The following LRCOL1 variants were observed in gnomAD, a reference collection of about 807,000 sequenced individuals.
LRCOL1 encodes the protein leucine-rich colipase-like protein 1.
Under a neutral mutation model 21.6 loss-of-function variants are expected in LRCOL1, and 21 were observed. The ratio of observed to expected loss-of-function variants is 0.97; its 90% CI spans 0.69 to 1.40. LRCOL1 has a LOEUF of 1.40. Among genes scored for constraint, LRCOL1 ranks in the 40% most tolerant of loss-of-function variants. LRCOL1 has a pLI of 0.00. For missense variants in LRCOL1, 198 were observed against 202.3 expected (o/e 0.98, Z 0.13); for synonymous variants, 98 against 90.1 (o/e 1.09, Z -0.49).
At chr12:132,604,674 C>T (rs763278024) in intron 3 of LRCOL1, 32 bp downstream of exon 3, 1 of 1,528,250 alleles carries the variant, frequency 6.5e-7, no homozygotes. Context: ...GGCAGTCTCG[C>T]TCCTCCACCC....
At position 132,606,037 on chromosome 12, in the gene LRCOL1, G is replaced by A; in HGVS notation, c.105+110C>T. On this transcript the variant is annotated intron_variant, in intron 2 of 5. Coordinates refer to ENST00000376608, the MANE Select transcript of LRCOL1 (RefSeq NM_001195520.2). The surrounding 1 kb of genome is among the most constrained non-coding windows in gnomAD (Gnocchi z 4.6). ...GTGTCCCTTTGAGACCCTCCTGACG[G>A]AAAGTGGCAGCCCTCGCGGGTGGGG... 1.0e-6 allele frequency: 1 copy of A among 1,002,864 alleles called. No homozygotes were observed. The highest frequency in any genetic ancestry group is 1.6e-5 in the African/African-American group (1 of 62,200). The allele number at this position is 1,002,864 out of a possible 1,614,324, so 62.1% of individuals were successfully genotyped here. A position where few individuals can be genotyped will look rare whatever the true frequency, so the allele number is the denominator to read the frequency against.
At chr12:132,603,770 G>A in intron 5 of LRCOL1, 2 of 985,418 alleles carry the variant, frequency 2.0e-6, no homozygotes, top group Non-Finnish European at 2.4e-6. Context: ...CTGGCGACCT[G>A]GCCCCCTCCC....
At chr12:132,603,731 G>A (rs2041258751) in intron 5 of LRCOL1, 3 of 985,276 alleles carry the variant, frequency 3.0e-6, no homozygotes, top group Non-Finnish European at 3.6e-6. Context: ...CAGCAAACAC[G>A]CACTTGCGCC....
At chr12:132,605,644 G>A (rs11146966) in intron 2 of LRCOL1, among the ~76,000 whole-genome samples, 1,720 of 152,234 alleles carry the variant, frequency 0.011, 28 homozygotes, top group African/African-American at 0.04. Flanking sequence ...CAGGAGAATC[G>A]CCTGAACCCA....
In LRCOL1 at chr12:132,603,197, C is replaced by G. The variant is rs939216902; in HGVS notation, c.*205G>C. The G allele has an allele frequency of 1.5e-6, 1 of 686,024 alleles. No homozygotes were observed. The allele number at this position is 686,024 out of a possible 1,614,324, so 42.5% of individuals were successfully genotyped here. A position where few individuals can be genotyped will look rare whatever the true frequency, so the allele number is the denominator to read the frequency against. ...TTGATGTTTAACAATCAGGCTACAC[C>G]CCAGTGCCTGGGATTTGTTCTCACA... On this transcript the variant is annotated 3_prime_UTR_variant, in exon 6 of 6. Coordinates refer to ENST00000376608, the MANE Select transcript of LRCOL1 (RefSeq NM_001195520.2).
Position 132,604,829 on chromosome 12 carries a change from GC to G in LRCOL1, c.107del (p.Gly36AlafsTer103). The G allele has an allele frequency of 2.0e-6, 3 of 1,535,876 alleles. No homozygotes were observed. On this transcript the variant is annotated frameshift_variant and splice_region_variant, in exon 3 of 6. Transcript: ENST00000376608. LOFTEE classifies it high-confidence loss of function. Reference protein sequence around the residue: ...PQKKLNLSHKGIGEPCRRHEE... With the variant: ...PQKKLNLSHKXIGEPCRRHEE... ...CGTGTCTCCTGCATGGCTCCCCGATGCCCTGAAACACCACTCACCAGCTCGC... is the reference window on the plus strand; with the variant it reads ...CGTGTCTCCTGCATGGCTCCCCGATGCCTGAAACACCACTCACCAGCTCGC...
chr12:132,603,321 G>T lies in LRCOL1; in HGVS notation c.*81C>A, dbSNP rs2041249040. 2 of 1,524,920 alleles carry T rather than the reference G, an allele frequency of 1.3e-6. No homozygotes were observed. Among genetic ancestry groups the T allele is most frequent in the East Asian group, 4.9e-5 (2 of 40,748 alleles). 94.5% of individuals were successfully genotyped at this position (1,524,920 alleles called of 1,614,324 possible). On this transcript the variant is annotated 3_prime_UTR_variant, in exon 6 of 6. Coordinates refer to ENST00000376608, the MANE Select transcript of LRCOL1 (RefSeq NM_001195520.2). ...CAAACCGTAAGGGAAGCTTCCGCTG[G>T]AACCAGCCCCCGCGCAACGCGGTCC...
chr12:132,603,810 C>A, intron 5 of LRCOL1: 8 of 985,436 alleles, frequency 8.1e-6, no homozygotes, highest in Non-Finnish European at 9.6e-6. Context: ...GAGCGGGAGC[C>A]TGCACCGAGC....
Position 132,603,338 on chromosome 12 carries a change from A to G in LRCOL1, c.*64T>C. ...TTCCGCTGGAACCAGCCCCCGCGCA[A>G]CGCGGTCCTGCGTGAACATCCCAGG... On this transcript the variant is annotated 3_prime_UTR_variant, in exon 6 of 6. Coordinates refer to ENST00000376608, the MANE Select transcript of LRCOL1 (RefSeq NM_001195520.2). The G allele has an allele frequency of 6.5e-7, 1 of 1,534,528 alleles. No individual in the cohort carries two copies. Among genetic ancestry groups the G allele is most frequent in the Middle Eastern group, 1.7e-4 (1 of 5,982 alleles).
intron 5 of LRCOL1, chr12:132,603,623 GGTGGTA>G: frequency 1.0e-4 from 9 of 90,034 alleles, no homozygotes; most frequent in Non-Finnish European, 1.1e-4. Context: ...GAGGGCGCCT[GGTGGTA>G]CCCGAGGGCG....
chr12:132,606,066 G>T lies in LRCOL1; in HGVS notation c.105+81C>A, dbSNP rs1169572945. ...GTGGCAGCCCTCGCGGGTGGGGACTGCAAGGGCCTCAGGGGCGCCCGGCAC... is the reference window on the plus strand; with the variant it reads ...GTGGCAGCCCTCGCGGGTGGGGACTTCAAGGGCCTCAGGGGCGCCCGGCAC... On this transcript the variant is annotated intron_variant, in intron 2 of 5. Coordinates refer to ENST00000376608, the MANE Select transcript of LRCOL1 (RefSeq NM_001195520.2). This position sits in a 1 kb window ranked among gnomAD's most constrained non-coding sequence, Gnocchi z 4.6. 1.5e-6 allele frequency: 2 copies of T among 1,375,418 alleles called. No individual in the cohort carries two copies. Among genetic ancestry groups the T allele is most frequent in the Non-Finnish European group, 2.0e-6 (2 of 1,007,148 alleles). 85.2% of individuals were successfully genotyped at this position (1,375,418 alleles called of 1,614,324 possible).
intron 2 of LRCOL1, chr12:132,605,745 T>TCA (rs57880239): frequency 1.8e-5 from 1 of 55,008 alleles, no homozygotes; most frequent in South Asian, 6.4e-4. Flanking sequence ...TCTCTCTCTC[T>TCA]TACACACACA....
Position 132,603,301 on chromosome 12 carries a change from C to T in LRCOL1, c.*101G>A, listed in dbSNP as rs1332418246. 4 of 1,500,174 alleles carry T rather than the reference C, an allele frequency of 2.7e-6. No individual in the cohort carries two copies. The highest frequency in any genetic ancestry group is 3.6e-6 in the Non-Finnish European group (4 of 1,115,932). 92.9% of individuals were successfully genotyped at this position (1,500,174 alleles called of 1,614,324 possible). ...GAGCCCCAGAAACAGCAGCACAAAC[C>T]GTAAGGGAAGCTTCCGCTGGAACCA... On this transcript the variant is annotated 3_prime_UTR_variant, in exon 6 of 6. Coordinates refer to ENST00000376608, the MANE Select transcript of LRCOL1 (RefSeq NM_001195520.2).
intron 1 of LRCOL1, among the ~76,000 whole-genome samples, chr12:132,607,142 T>C (rs940038185): frequency 1.2e-4 from 18 of 152,194 alleles, no homozygotes; most frequent in Non-Finnish European, 2.6e-4. Context: ...GTGAGCCCCA[T>C]GCCCGGACGG....
Position 132,604,459 on chromosome 12 carries a change from C to T in LRCOL1, c.354+3G>A, listed in dbSNP as rs1025858332. Reference sequence around the variant, plus strand: ...CCATCTGCCCCGGGTGCCCGCAGCTCACCTTGCGCCAGGGCACACACTGCA... The same window carrying T: ...CCATCTGCCCCGGGTGCCCGCAGCTTACCTTGCGCCAGGGCACACACTGCA... On this transcript the variant is annotated splice_donor_region_variant and intron_variant, in intron 4 of 5. Transcript: ENST00000376608. The T allele has an allele frequency of 2.4e-5, 37 of 1,534,630 alleles. No individual in the cohort carries two copies. Among genetic ancestry groups the T allele is most frequent in the Middle Eastern group, 1.7e-4 (1 of 6,010 alleles).
In LRCOL1 at chr12:132,606,902, T is replaced by TTTTTTTTTTTTGAGACGG. The variant is rs1344232026; in HGVS notation, c.-13-639_-13-638insCCGTCTCAAAAAAAAAAA. ...CACTGCATGGAAAATGGATTTTTTT[T>TTTTTTTTTTTTGAGACGG]AACACATCGAGGCAAAACGTGAAAA... On this transcript the variant is annotated intron_variant, in intron 1 of 5. Transcript: ENST00000376608. This position sits in a 1 kb window ranked among gnomAD's most constrained non-coding sequence, Gnocchi z 4.6. Among the ~76,000 whole-genome samples, 1 of 152,116 alleles carries TTTTTTTTTTTTGAGACGG rather than the reference T, an allele frequency of 6.6e-6. No homozygotes were observed. The highest frequency in any genetic ancestry group is 1.5e-5 in the Non-Finnish European group (1 of 67,986).
intron 2 of LRCOL1, chr12:132,605,681 A>G (rs2041297803): frequency 6.5e-6 from 1 of 154,100 alleles, no homozygotes; most frequent in South Asian, 2.0e-4. Context: ...GTGAGCTGAG[A>G]TCGTGCCACT....
At chr12:132,603,508 C>T (rs2041253742) in intron 5 of LRCOL1, 104 bp from the exon 6 acceptor site, 21 of 1,534,076 alleles carry the variant, frequency 1.4e-5, no homozygotes, top group Non-Finnish European at 1.8e-5. Flanking sequence ...CGGCACCAGC[C>T]TCGTGGGGGT....
chr12:132,604,337 T>A lies in LRCOL1; in HGVS notation c.394A>T (p.Ser132Cys). ...DFCSSHQECH[S>C]QCCIQLREYS... ...TCCCTCAGCTGGATGCAGCACTGGC[T>A]GTGACACTCCTGATGGCTGCTGCAG... Residue 132 changes from serine (S) to cysteine (C), a missense_variant, in exon 5 of 6, where the codon AGC becomes TGC. Coordinates refer to ENST00000376608, the MANE Select transcript of LRCOL1 (RefSeq NM_001195520.2). The A allele has an allele frequency of 1.3e-6, 2 of 1,535,860 alleles. No homozygotes were observed. Among genetic ancestry groups the A allele is most frequent in the Non-Finnish European group, 1.7e-6 (2 of 1,146,820 alleles).
Sources: allele counts gnomAD v4.1 joint callset (sites outside exome capture counted in the v4.1 genomes callset), GRCh38; gene constraint gnomAD v4.1.1; non-coding constraint Gnocchi (gnomAD v3.1); transcripts MANE v1.5; gene names NCBI Gene and HGNC (gene_info 2026-07-23, HGNC 2026-07-21).